CAMK4: variants seen among roughly 807,000 people sequenced by gnomAD.
CAMK4 encodes calcium/calmodulin dependent protein kinase IV, also known as calcium/calmodulin-dependent protein kinase type IV.
In CAMK4, 22 loss-of-function variants were observed where a neutral mutation model predicts 44.9. That is an observed-to-expected ratio of 0.49 (90% CI 0.35 to 0.70). The LOEUF is 0.70. Ranked by LOEUF, CAMK4 falls within the 30% of genes least tolerant of loss-of-function variation. CAMK4 has a pLI of 0.01. For synonymous variants in CAMK4, 218 were observed against 215.4 expected (o/e 1.01, Z -0.11); for missense variants, 498 against 586.8 (o/e 0.85, Z 1.56).
At chr5:111,465,747 G>A (rs534653356) in intron 7 of CAMK4, among the ~76,000 whole-genome samples, 19 of 152,094 alleles carry the variant, frequency 1.2e-4, no homozygotes, top group Non-Finnish European at 2.9e-5. Context: ...AAGACCAGAT[G>A]GATTCACAGC....
At position 111,487,109 on chromosome 5, in the gene CAMK4, A is replaced by G. The variant is rs1384653240; in HGVS notation, c.*2643A>G. ...AAAATGGAATGTATTGTCTATCTCAAAGATTACTTAGCTAAATAATAGTAG... is the reference window on the plus strand; with the variant it reads ...AAAATGGAATGTATTGTCTATCTCAGAGATTACTTAGCTAAATAATAGTAG... On this transcript the variant is annotated 3_prime_UTR_variant, in exon 11 of 11. Coordinates refer to ENST00000282356, the MANE Select transcript of CAMK4 (RefSeq NM_001744.6). The G allele has an allele frequency of 6.6e-6, 1 of 152,226 alleles. No individual in the cohort carries two copies. Among genetic ancestry groups the G allele is most frequent in the African/African-American group, 2.4e-5 (1 of 41,462 alleles). 9.4% of individuals were successfully genotyped at this position (152,226 alleles called of 1,614,324 possible). A position where few individuals can be genotyped will look rare whatever the true frequency, so the allele number is the denominator to read the frequency against.
chr5:111,342,477 C>A (rs1442351739), intron 1 of CAMK4, among the ~76,000 whole-genome samples: 1 of 151,328 alleles, frequency 6.6e-6, no homozygotes, highest in East Asian at 1.9e-4. Context: ...TTTGCACCAA[C>A]CTAATGTATC....
chr5:111,447,722 C>T (rs187542987), intron 6 of CAMK4, among the ~76,000 whole-genome samples: 2 of 152,310 alleles, frequency 1.3e-5, no homozygotes, highest in Admixed American at 1.3e-4. Context: ...CTGCGAAGTT[C>T]ACTGCATTTA....
At chr5:111,339,166 A>G (rs1265148552) in intron 1 of CAMK4, among the ~76,000 whole-genome samples, 3 of 151,230 alleles carry the variant, frequency 2.0e-5, no homozygotes, top group Non-Finnish European at 3.0e-5. Flanking sequence ...ATTTTCTCCC[A>G]TTCTGTAGGT....
rs1580788905 is a variant in CAMK4 at position 111,464,805 on chromosome 5, AGT to A, written c.626-8505_626-8504del. On this transcript the variant is annotated intron_variant, in intron 7 of 10. Coordinates refer to ENST00000282356, the MANE Select transcript of CAMK4 (RefSeq NM_001744.6). ...AAGTGGTTGCCATAATCCTCAACTT[AGT>A]TTACATGTATAGAATACATAGACAG... 3.9e-5 allele frequency among the ~76,000 whole-genome samples: 6 copies of A among 152,346 alleles called. No homozygotes were observed. The East Asian group carries it at 1.2e-3, about 29-fold the overall frequency.
At chr5:111,284,831 A>G (rs1196989508) in intron 1 of CAMK4, among the ~76,000 whole-genome samples, 1 of 152,016 alleles carries the variant, frequency 6.6e-6, no homozygotes. Context: ...TTTATTTCCC[A>G]TCTAACTTGA....
At chr5:111,413,114 G>A (rs946033868) in intron 5 of CAMK4, among the ~76,000 whole-genome samples, 1 of 152,088 alleles carries the variant, frequency 6.6e-6, no homozygotes, top group Non-Finnish European at 1.5e-5. Flanking sequence ...CTAAGCCTCA[G>A]TTTGGGGGCT....
At chr5:111,238,350 A>G (rs1354187915) in intron 1 of CAMK4, among the ~76,000 whole-genome samples, 4 of 152,236 alleles carry the variant, frequency 2.6e-5, no homozygotes, top group Admixed American at 2.6e-4. Context: ...TCGGCAGAAA[A>G]TTAGGTTTAG....
At chr5:111,368,246 G>T (rs973171113) in intron 2 of CAMK4, among the ~76,000 whole-genome samples, 61 of 152,132 alleles carry the variant, frequency 4.0e-4, no homozygotes, top group African/African-American at 1.4e-3. Flanking sequence ...GTTAATTATG[G>T]TCACACTTGG....
rs1418889291 is a variant in CAMK4 at position 111,490,074 on chromosome 5, T to A, written c.*5608T>A. 1 of 152,240 alleles carries A rather than the reference T, an allele frequency of 6.6e-6. No homozygotes were observed. Among genetic ancestry groups the A allele is most frequent in the Non-Finnish European group, 1.5e-5 (1 of 68,038 alleles). The allele number at this position is 152,240 out of a possible 1,614,324, so 9.4% of individuals were successfully genotyped here. On this transcript the variant is annotated 3_prime_UTR_variant, in exon 11 of 11. Coordinates refer to ENST00000282356, the MANE Select transcript of CAMK4 (RefSeq NM_001744.6). ...ATACAGAATATATACATTTAATCGT[T>A]GCTTGTGATTCATTGTGTCAAAATA...
intron 7 of CAMK4, among the ~76,000 whole-genome samples, chr5:111,471,809 G>T (rs578083863): frequency 6.6e-6 from 1 of 152,276 alleles, no homozygotes; most frequent in South Asian, 2.1e-4. Context: ...TTAGGGAAGA[G>T]GTCAGTGGAA....
intron 7 of CAMK4, among the ~76,000 whole-genome samples, chr5:111,469,291 G>A (rs983189470): frequency 3.5e-5 from 5 of 144,788 alleles, no homozygotes; most frequent in African/African-American, 7.8e-5. Context: ...TTCAAAATAA[G>A]TTATTTTAAA....
intron 1 of CAMK4, among the ~76,000 whole-genome samples, chr5:111,273,129 T>C (rs1165303110): frequency 1.3e-5 from 2 of 152,174 alleles, no homozygotes; most frequent in African/African-American, 4.8e-5. Flanking sequence ...ACAACTGTTA[T>C]CTCTGCACCA....
chr5:111,261,947 T>C (rs940200032), intron 1 of CAMK4, among the ~76,000 whole-genome samples: 36 of 152,118 alleles, frequency 2.4e-4, no homozygotes, highest in African/African-American at 8.7e-4. Context: ...TCTCTTTTCT[T>C]TGGGGTACAC....
chr5:111,476,136 T>C (rs1755227121), intron 8 of CAMK4, among the ~76,000 whole-genome samples: 1 of 152,062 alleles, frequency 6.6e-6, no homozygotes, highest in Non-Finnish European at 1.5e-5. Flanking sequence ...AATAAAGCCA[T>C]GAATAGACAT....
chr5:111,454,079 A>G (rs953722667), intron 7 of CAMK4, among the ~76,000 whole-genome samples: 1 of 152,212 alleles, frequency 6.6e-6, no homozygotes, highest in Non-Finnish European at 1.5e-5. Flanking sequence ...TAAGATGTCA[A>G]AAACATCATA....
chr5:111,328,449 C>T (rs1206055070), intron 1 of CAMK4, among the ~76,000 whole-genome samples: 1 of 152,184 alleles, frequency 6.6e-6, no homozygotes, highest in South Asian at 2.1e-4. Flanking sequence ...TAGCGTGATG[C>T]CTCCAGCTTT....
At chr5:111,363,150 A>C (rs1750660450) in intron 2 of CAMK4, among the ~76,000 whole-genome samples, 1 of 152,062 alleles carries the variant, frequency 6.6e-6, no homozygotes, top group Non-Finnish European at 1.5e-5. Flanking sequence ...CTGTGCATTA[A>C]TAATTTATAT....
chr5:111,404,023 G>A (rs925294571), intron 5 of CAMK4, among the ~76,000 whole-genome samples: 1 of 152,166 alleles, frequency 6.6e-6, no homozygotes, highest in Non-Finnish European at 1.5e-5. Context: ...CCCTTTGAAA[G>A]GTTGGGAAGT....
Sources: gnomAD v4.1 joint callset for allele counts (sites outside exome capture counted in the v4.1 genomes callset) on GRCh38, gnomAD v4.1.1 for gene constraint, MANE v1.5 for transcripts, NCBI Gene and HGNC (gene_info 2026-07-23, HGNC 2026-07-21) for gene names.